The following TUT7 variants were observed in gnomAD, a reference collection of about 807,000 sequenced individuals.
TUT7 encodes the protein terminal uridylyl transferase 7, also known as terminal uridylyltransferase 7.
TUT7 carries 33 observed loss-of-function variants against 165.9 expected under a neutral mutation model. That is an observed-to-expected ratio of 0.20 (90% CI 0.15 to 0.27). The LOEUF (loss-of-function observed/expected upper bound fraction) is 0.27, where lower values mean the gene tolerates loss of function less well. Ranked by LOEUF, TUT7 falls within the 10% of genes least tolerant of loss-of-function variation. TUT7 has a pLI of 1.00. For synonymous variants in TUT7, 552 were observed against 608.1 expected (o/e 0.91, Z 1.36); for missense variants, 1,338 against 1,762.3 (o/e 0.76, Z 4.31).
intron 16 of TUT7, among the ~76,000 whole-genome samples, chr9:86,318,211 T>C (rs1415882476): frequency 3.9e-5 from 6 of 152,248 alleles, no homozygotes; most frequent in Non-Finnish European, 5.9e-5. Flanking sequence ...CTTTATATAG[T>C]GTTTTATATT....
chr9:86,308,643 T>C (rs775867220), intron 21 of TUT7, 37 bp from the exon 22 acceptor site: 3 of 1,521,114 alleles, frequency 2.0e-6, no homozygotes, highest in Non-Finnish European at 2.7e-6. Flanking sequence ...CCATGGTCTT[T>C]AGTGAAGTGT....
rs1474064600 is a variant in TUT7 at position 86,288,582 on chromosome 9, C to A, written c.*95G>T. ...TTTCCCTTAAATGTTAAGTTGAAGC[C>A]TGATCTACACTGCTGTGTCCTGTGA... On this transcript the variant is annotated 3_prime_UTR_variant, in exon 27 of 27. Transcript: ENST00000375963. The A allele has an allele frequency of 2.5e-6, 2 of 808,630 alleles. No homozygotes were observed. The highest frequency in any genetic ancestry group is 3.8e-6 in the Non-Finnish European group (2 of 529,970). 50.1% of individuals were successfully genotyped at this position (808,630 alleles called of 1,614,324 possible). A position where few individuals can be genotyped will look rare whatever the true frequency, so the allele number is the denominator to read the frequency against.
intron 22 of TUT7, among the ~76,000 whole-genome samples, chr9:86,307,822 A>G (rs1416941950): frequency 1.3e-5 from 2 of 152,020 alleles, no homozygotes; most frequent in African/African-American, 4.8e-5. Flanking sequence ...GTGAAACCCC[A>G]TCTCTACTAA....
chr9:86,344,888 A>C lies in TUT7; in HGVS notation c.997+89T>G, dbSNP rs150076508. 7,801 of 1,261,048 alleles carry C rather than the reference A, an allele frequency of 6.2e-3. 26 individuals are homozygous for C. The highest frequency in any genetic ancestry group is 7.8e-3 in the Non-Finnish European group (7,217 of 925,596). The allele number at this position is 1,261,048 out of a possible 1,614,324, so 78.1% of individuals were successfully genotyped here. Reference sequence around the variant, plus strand: ...CAAGAGCTTCATGACATGGTAAATAAATTTTTATTTGATGAAAATTACTAT... The same window carrying C: ...CAAGAGCTTCATGACATGGTAAATACATTTTTATTTGATGAAAATTACTAT... On this transcript the variant is annotated intron_variant, in intron 5 of 26. Coordinates refer to ENST00000375963, the MANE Select transcript of TUT7 (RefSeq NM_024617.4).
At chr9:86,339,679 T>G (rs772815981) in intron 8 of TUT7, among the ~76,000 whole-genome samples, 3 of 152,060 alleles carry the variant, frequency 2.0e-5, no homozygotes, top group Admixed American at 6.5e-5. Context: ...CAGAGAGAGA[T>G]AAACCAGAGA....
At chr9:86,313,964 A>C (rs1002386609) in intron 17 of TUT7, among the ~76,000 whole-genome samples, 2 of 152,194 alleles carry the variant, frequency 1.3e-5, no homozygotes, top group African/African-American at 2.4e-5. Context: ...TCTGATGGGG[A>C]AAGGGGGCAA....
At chr9:86,347,394 T>A (rs967658447) in intron 2 of TUT7, among the ~76,000 whole-genome samples, 1 of 152,218 alleles carries the variant, frequency 6.6e-6, no homozygotes, top group African/African-American at 2.4e-5. Context: ...TATCGAGTTT[T>A]AAAAAATGAA....
chr9:86,318,758 G>A (rs541024961), intron 16 of TUT7, among the ~76,000 whole-genome samples, 200 bp downstream of exon 16: 5,597 of 152,192 alleles, frequency 0.037, 345 homozygotes, highest in African/African-American at 0.13. Flanking sequence ...TTGCTACAGA[G>A]TGAAAGTATA....
chr9:86,352,778 C>G lies in TUT7; in HGVS notation c.422G>C (p.Arg141Thr). 1 of 1,614,184 alleles carries G rather than the reference C, an allele frequency of 6.2e-7. No individual in the cohort carries two copies. Among genetic ancestry groups the G allele is most frequent in the Non-Finnish European group, 8.5e-7 (1 of 1,180,032 alleles). The part of the protein sequence containing the change: ...DSFQENEDGY[R>T]WQDTRGCRTV... ...TCTGCAGCCTCTTGTGTCTTGCCAC[C>G]TATAACCATCTTCATTTTCTTGAAA... is the stretch of plus-strand genomic sequence containing the variant. The change falls in exon 2 of 27, where the codon AGG becomes ACG. Residue 141 changes from arginine (R) to threonine (T), a missense_variant. This residue lies in a region of TUT7 where 434 missense variants were observed against 480.8 expected (regional missense o/e 0.90). Coordinates refer to ENST00000375963, the MANE Select transcript of TUT7 (RefSeq NM_024617.4).
chr9:86,321,729 A>G (rs700767), intron 14 of TUT7, among the ~76,000 whole-genome samples: 6 of 151,852 alleles, frequency 4.0e-5, no homozygotes, highest in Non-Finnish European at 8.8e-5. Flanking sequence ...ACCCTGTCTC[A>G]CCATCACCCT....
Position 86,346,364 on chromosome 9 carries a change from C to T in TUT7, c.637G>A (p.Glu213Lys), listed in dbSNP as rs941790084. Residue 213 changes from glutamate to lysine, a missense_variant, in exon 3 of 27, where the codon GAG (glutamate) becomes AAG (lysine). Transcript: ENST00000375963. ...TCAGCCTGCTGTAAGCCTAGCAGCT[C>T]CTTCGTTGAAAGTACAGACTCATCG... ...VIDESVLSTKELLGLQQAEER... is the reference protein window; with the variant it reads ...VIDESVLSTKKLLGLQQAEER... 1.9e-6 allele frequency: 3 copies of T among 1,614,148 alleles called. No individual in the cohort carries two copies. The highest frequency in any genetic ancestry group is 2.5e-6 in the Non-Finnish European group (3 of 1,179,998).
intron 26 of TUT7, among the ~76,000 whole-genome samples, chr9:86,289,091 T>C (rs553072082): frequency 1.3e-5 from 2 of 152,308 alleles, no homozygotes; most frequent in Admixed American, 6.5e-5. Context: ...ACATAATAGA[T>C]TGCAAAGAAT....
chr9:86,316,954 T>C (rs1487456677), intron 17 of TUT7, among the ~76,000 whole-genome samples: 1 of 152,192 alleles, frequency 6.6e-6, no homozygotes, highest in East Asian at 1.9e-4. Context: ...ACTATTTACA[T>C]AGTATTTACA....
intron 14 of TUT7, among the ~76,000 whole-genome samples, chr9:86,321,556 C>T (rs1829296685): frequency 6.6e-6 from 1 of 152,060 alleles, no homozygotes; most frequent in South Asian, 2.1e-4. Flanking sequence ...TGGTGAAACC[C>T]TGTATCTACA....
Position 86,310,059 on chromosome 9 carries a change from G to C in TUT7, c.3379-42C>G, listed in dbSNP as rs933858688. 5.6e-6 allele frequency: 8 copies of C among 1,432,892 alleles called. No individual in the cohort carries two copies. In the African/African-American group the frequency reaches 1.3e-4, roughly 24 times the overall value. The allele number at this position is 1,432,892 out of a possible 1,614,324, so 88.8% of individuals were successfully genotyped here. A position where few individuals can be genotyped will look rare whatever the true frequency, so the allele number is the denominator to read the frequency against. On this transcript the variant is annotated intron_variant, in intron 18 of 26. Transcript: ENST00000375963. The stretch of plus-strand genomic sequence containing the variant: ...AACACTATAAGACTAACAATGAAGT[G>C]TAAAGGGTCTCTTTTTTTTTTTTGG...
chr9:86,323,076 G>C lies in TUT7; in HGVS notation c.2674C>G (p.Leu892Val), dbSNP rs1464499747. 6.2e-7 allele frequency: 1 copy of C among 1,614,008 alleles called. No homozygotes were observed. The highest frequency in any genetic ancestry group is 2.2e-5 in the East Asian group (1 of 44,894). Residue 892 changes from leucine (L) to valine (V), a missense_variant, in exon 13 of 27, where the codon CTA (leucine) becomes GTA (valine). Transcript: ENST00000375963. ...CCTAACTCATCATCCTCTTCAGATA[G>C]GGCGTCCTCATCCCCTGACCCAGTG... Reference protein sequence around the residue: ...TYTGSGDEDALSEEDDELGEA... With the variant: ...TYTGSGDEDAVSEEDDELGEA...
At chr9:86,325,798 T>G (rs1829735052) in intron 11 of TUT7, among the ~76,000 whole-genome samples, 1 of 152,238 alleles carries the variant, frequency 6.6e-6, no homozygotes. Context: ...AATTTTGAAC[T>G]GTTAATAACA....
Position 86,323,494 on chromosome 9 carries a change from T to C in TUT7, c.2256A>G (p.Lys752=), listed in dbSNP as rs1391022119. The change falls in exon 13 of 27, where the codon AAA becomes AAG. Residue 752 remains lysine, a synonymous_variant. Transcript: ENST00000375963. ...GCTTGCCCTTCCTTCCAACTTTCTC[T>C]TTCTCGTTTTTCCTTCCTGTTTCTG... ...YHPETGRKNE[K]EKVGRKGKHL... is the part of the protein sequence containing the mutation. 2 of 1,614,232 alleles carry C rather than the reference T, an allele frequency of 1.2e-6. No homozygotes were observed. Among genetic ancestry groups the C allele is most frequent in the Non-Finnish European group, 1.7e-6 (2 of 1,180,034 alleles).
intron 26 of TUT7, among the ~76,000 whole-genome samples, chr9:86,294,237 A>G (rs1826115882): frequency 6.7e-6 from 1 of 149,424 alleles, no homozygotes; most frequent in Non-Finnish European, 1.5e-5. Flanking sequence ...CGTATCTCCT[A>G]ACCAGCCAAA....
Sources: allele counts gnomAD v4.1 joint callset (sites outside exome capture counted in the v4.1 genomes callset), GRCh38; gene constraint gnomAD v4.1.1; regional missense constraint gnomAD v4.1.1; transcripts MANE v1.5; gene names NCBI Gene and HGNC (gene_info 2026-07-23, HGNC 2026-07-21).